The following GRIN2A variants were observed in gnomAD, a reference collection of about 807,000 sequenced individuals.
GRIN2A encodes the protein glutamate ionotropic receptor NMDA type subunit 2A.
Under a neutral mutation model 113.4 loss-of-function variants are expected in GRIN2A, and 22 were observed. That is an observed-to-expected ratio of 0.19 (90% CI 0.14 to 0.28). The LOEUF (loss-of-function observed/expected upper bound fraction) is 0.28. GRIN2A is among the 10% of genes least tolerant of loss of function. GRIN2A has a pLI of 1.00. For missense variants in GRIN2A, 1,502 were observed against 1,887.0 expected (o/e 0.80, Z 3.78); for synonymous variants, 827 against 738.4 (o/e 1.12, Z -1.94).
intron 7 of GRIN2A, among the ~76,000 whole-genome samples, chr16:9,836,641 G>C (rs1024968580): frequency 6.6e-6 from 1 of 152,182 alleles, no homozygotes; most frequent in Non-Finnish European, 1.5e-5. Flanking sequence ...TGCTGCAGTA[G>C]TCTTGTTTTA....
chr16:9,823,190 G>A lies in GRIN2A; in HGVS notation c.2008-766C>T, dbSNP rs149981271. Among the ~76,000 whole-genome samples the A allele has an allele frequency of 2.8e-3, 417 of 148,536 alleles. 1 individual carries two copies. Among genetic ancestry groups the A allele is most frequent in the African/African-American group, 0.01 (394 of 38,860 alleles). ...GATTCTGTCTGTCCACAGCTTCGAT[G>A]TTTCAGGTGACTCAATGAGAGTCGA... is the stretch of plus-strand genomic sequence containing the variant. On this transcript the variant is annotated intron_variant, in intron 9 of 12. Transcript: ENST00000330684.
rs55697606 is a variant in GRIN2A, at chr16:9,859,609, T to TACACAC, written c.1123-9654_1123-9649dup. 1.4e-3 allele frequency among the ~76,000 whole-genome samples: 192 copies of TACACAC among 141,244 alleles called. 1 individual carries two copies. In the Middle Eastern group the frequency reaches 0.014, roughly 11 times the overall value. The allele number at this position is 141,244 out of a possible 152,430, so 92.7% of individuals were successfully genotyped here. On this transcript the variant is annotated intron_variant, in intron 4 of 12. Transcript: ENST00000330684. ...ACACAAACACATATACTCGAACCTC[T>TACACAC]ACACACACACACACACACACACACA...
intron 2 of GRIN2A, among the ~76,000 whole-genome samples, chr16:10,081,626 C>T (rs1038740064): frequency 1.3e-5 from 2 of 152,196 alleles, no homozygotes; most frequent in Non-Finnish European, 2.9e-5. Flanking sequence ...GTTGTAAAAA[C>T]AAATAGAACT....
intron 11 of GRIN2A, chr16:9,794,625 C>T (rs1346365767): frequency 6.6e-6 from 1 of 152,136 alleles, no homozygotes; most frequent in Admixed American, 6.5e-5. Context: ...CCGATGGCCT[C>T]AAGAGATGAA....
chr16:10,066,951 AAAAC>A (rs2047660488), intron 2 of GRIN2A, among the ~76,000 whole-genome samples: 1 of 152,178 alleles, frequency 6.6e-6, no homozygotes, highest in African/African-American at 2.4e-5. Context: ...CCAGCGTTCA[AAAAC>A]AAAGGACATT....
chr16:9,995,775 T>C (rs1298310384), intron 2 of GRIN2A, among the ~76,000 whole-genome samples: 1 of 152,264 alleles, frequency 6.6e-6, no homozygotes, highest in Admixed American at 6.5e-5. Flanking sequence ...GTATGCTTTT[T>C]CAATGCAAGG....
At chr16:9,936,408 A>G (rs1172220523) in intron 3 of GRIN2A, among the ~76,000 whole-genome samples, 3 of 152,334 alleles carry the variant, frequency 2.0e-5, no homozygotes, top group African/African-American at 7.2e-5. Flanking sequence ...CAAGTCATAC[A>G]GAAAGTGGAC....
rs756116240 is a variant in GRIN2A at position 10,180,127 on chromosome 16, G to A, written c.285C>T (p.Ile95=). The A allele has an allele frequency of 9.9e-6, 16 of 1,614,102 alleles. No homozygotes were observed. Among genetic ancestry groups the A allele is most frequent in the Non-Finnish European group, 1.4e-5 (16 of 1,180,040 alleles). ...HVCDLMSGAR[I]HGLVFGDDTD... is the part of the protein sequence containing the mutation. ...TGTCGTCCCCAAACACGAGGCCGTG[G>A]ATGCGTGCCCCGGACATGAGGTCGC... The change falls in exon 2 of 13, where the codon ATC becomes ATT. Residue 95 remains isoleucine (I), a synonymous_variant. Transcript: ENST00000330684. This position sits in a 1 kb window ranked among gnomAD's most constrained non-coding sequence, Gnocchi z 7.0.
intron 2 of GRIN2A, among the ~76,000 whole-genome samples, chr16:10,170,268 T>C (rs1270905991): frequency 1.3e-5 from 2 of 152,220 alleles, no homozygotes; most frequent in African/African-American, 4.8e-5. Flanking sequence ...GGCAGCCACA[T>C]TATGACTAAG....
At chr16:9,969,041 C>A (rs1555459257) in intron 2 of GRIN2A, among the ~76,000 whole-genome samples, 1 of 151,952 alleles carries the variant, frequency 6.6e-6, no homozygotes, top group Non-Finnish European at 1.5e-5. Flanking sequence ...ATTTCACATT[C>A]TTTTTTTTCA....
intron 11 of GRIN2A, among the ~76,000 whole-genome samples, chr16:9,787,294 A>G (rs542144659): frequency 6.6e-6 from 1 of 152,352 alleles, no homozygotes; most frequent in East Asian, 1.9e-4. Flanking sequence ...CTCTTAACCC[A>G]GAAAGTCCTT....
At chr16:9,958,871 T>A (rs1238873640) in intron 2 of GRIN2A, among the ~76,000 whole-genome samples, 1 of 152,136 alleles carries the variant, frequency 6.6e-6, no homozygotes, top group Admixed American at 6.5e-5. Context: ...CACTGATACA[T>A]CCCTTGTGCT....
At chr16:10,078,793 G>A (rs965097024) in intron 2 of GRIN2A, among the ~76,000 whole-genome samples, 1 of 152,138 alleles carries the variant, frequency 6.6e-6, no homozygotes, top group African/African-American at 2.4e-5. Context: ...TACCCCCTCC[G>A]AAGCCCATCC....
At chr16:10,175,530 T>G (rs2050124876) in intron 2 of GRIN2A, among the ~76,000 whole-genome samples, 1 of 152,216 alleles carries the variant, frequency 6.6e-6, no homozygotes, top group South Asian at 2.1e-4. Flanking sequence ...TCTTTAAATT[T>G]CAATGTATTT....
chr16:9,834,422 C>T (rs1262608829), intron 7 of GRIN2A, among the ~76,000 whole-genome samples, 192 bp from the exon 8 acceptor site: 2 of 152,146 alleles, frequency 1.3e-5, no homozygotes, highest in Non-Finnish European at 2.9e-5. Flanking sequence ...CTCTGTGTCA[C>T]CCAGGCTGGA....
chr16:10,046,067 G>T (rs1184518632), intron 2 of GRIN2A, among the ~76,000 whole-genome samples: 1 of 152,186 alleles, frequency 6.6e-6, no homozygotes, highest in Non-Finnish European at 1.5e-5. Flanking sequence ...ATTGTCCCCA[G>T]TTGAAAACCA....
Position 9,761,065 on chromosome 16 carries a change from A to G in GRIN2A, c.*2084T>C, listed in dbSNP as rs1900559883. On this transcript the variant is annotated 3_prime_UTR_variant, in exon 13 of 13. Transcript: ENST00000330684. Reference sequence around the variant, plus strand: ...GCACATGCATCCCCAGCACCTAGTCAGCCCCTTCTGCCTTTCAAAAATGAA... The same window carrying G: ...GCACATGCATCCCCAGCACCTAGTCGGCCCCTTCTGCCTTTCAAAAATGAA... 1 of 232,842 alleles carries G rather than the reference A, an allele frequency of 4.3e-6. No homozygotes were observed. Among genetic ancestry groups the G allele is most frequent in the East Asian group, 6.0e-5 (1 of 16,558 alleles). 14.4% of individuals were successfully genotyped at this position (232,842 alleles called of 1,614,324 possible).
chr16:10,173,090 G>A (rs1011715066), intron 2 of GRIN2A, among the ~76,000 whole-genome samples: 6 of 152,184 alleles, frequency 3.9e-5, no homozygotes, highest in African/African-American at 7.2e-5. Flanking sequence ...TGTGAGTCAC[G>A]CTACCGGGAG....
At chr16:10,069,847 A>G (rs9930321) in intron 2 of GRIN2A, among the ~76,000 whole-genome samples, 14,628 of 152,276 alleles carry the variant, frequency 0.096, 777 homozygotes, top group African/African-American at 0.11. Flanking sequence ...TGAAGGATAG[A>G]TCCCACGTCT....
Sources: allele counts gnomAD v4.1 joint callset (sites outside exome capture counted in the v4.1 genomes callset), GRCh38; gene constraint gnomAD v4.1.1; non-coding constraint Gnocchi (gnomAD v3.1); transcripts MANE v1.5; gene names NCBI Gene and HGNC (gene_info 2026-07-23, HGNC 2026-07-21).